SART1: variants seen among roughly 807,000 people sequenced by gnomAD.
SART1 encodes the protein spliceosome associated factor 1, recruiter of U4/U6.U5 tri-snRNP, also known as U4/U6.U5 tri-snRNP-associated protein 1.
A neutral mutation model predicts 105.0 loss-of-function variants in SART1; 28 were observed. The ratio of observed to expected loss-of-function variants is 0.27; its 90% CI spans 0.20 to 0.37. The LOEUF is 0.37. Among genes scored for constraint, SART1 ranks in the 10% least tolerant of loss-of-function variants. The probability of loss-of-function intolerance (pLI) is 1.00; values close to 1 mark genes in which losing one functional copy is unlikely to be tolerated. For missense variants in SART1, 894 were observed against 1,106.5 expected, an observed-to-expected ratio of 0.81 and a Z score of 2.72; for synonymous variants, 472 against 462.9, an observed-to-expected ratio of 1.02 and a Z score of -0.25.
At chr11:65,962,341 GTCTT>G (rs1324266949) in intron 1 of SART1, among the ~76,000 whole-genome samples, 1 of 152,218 alleles carries the variant, frequency 6.6e-6, no homozygotes, top group African/African-American at 2.4e-5. Flanking sequence ...AAAGAAAAAA[GTCTT>G]TCTACGGTTG....
intron 8 of SART1, 40 bp from the exon 9 acceptor site, chr11:65,966,310 G>A: frequency 1.2e-6 from 2 of 1,613,908 alleles, no homozygotes; most frequent in Non-Finnish European, 1.7e-6. Context: ...GGCTTTTCAG[G>A]AGCCAGCCTG....
rs570312050 is a variant in SART1 at position 65,965,559 on chromosome 11, C to T, written c.660+112C>T. 13 of 1,333,724 alleles carry T rather than the reference C, an allele frequency of 9.7e-6. No homozygotes were observed. The Admixed American group carries it at 1.5e-4, about 15-fold the overall frequency. 82.6% of individuals were successfully genotyped at this position (1,333,724 alleles called of 1,614,324 possible). A position where few individuals can be genotyped will look rare whatever the true frequency, so the allele number is the denominator to read the frequency against. On this transcript the variant is annotated intron_variant, in intron 5 of 19. Coordinates refer to ENST00000312397, the MANE Select transcript of SART1 (RefSeq NM_005146.5). ...GACGGGGCTTGGAGAAGGGAAGGGC[C>T]GTGGTCGGTAGCATCTACTTTGGAT...
At chr11:65,965,047 C>T (rs1855219732) in intron 3 of SART1, 45 bp from the exon 4 acceptor site, 3 of 1,534,314 alleles carry the variant, frequency 2.0e-6, no homozygotes, top group Non-Finnish European at 1.7e-6. Flanking sequence ...CCTCTCCCCA[C>T]CAGCCATGGG....
Position 65,976,487 on chromosome 11 carries a change from C to A in SART1, c.1665C>A (p.Ala555=). The part of the protein sequence containing the change: ...PERKGAIVFN[A]TSEFCRTLGE... The stretch of plus-strand genomic sequence containing the variant: ...GGAAGGGGGCCATCGTGTTCAACGC[C>A]ACGTCCGAGTTCTGCCGCACCTTGG... Residue 555 remains alanine (A), a synonymous_variant, in exon 13 of 20, where the codon GCC becomes GCA. Coordinates refer to ENST00000312397, the MANE Select transcript of SART1 (RefSeq NM_005146.5). This position sits in a 1 kb window ranked among gnomAD's most constrained non-coding sequence, Gnocchi z 5.1. 6.3e-7 allele frequency: 1 copy of A among 1,579,856 alleles called. No individual in the cohort carries two copies. The highest frequency in any genetic ancestry group is 1.2e-5 in the South Asian group (1 of 85,592).
At chr11:65,971,056 A>G (rs180877613) in intron 12 of SART1, among the ~76,000 whole-genome samples, 10 of 9,664 alleles carry the variant, frequency 1.0e-3, no homozygotes, top group African/African-American at 2.0e-3. Flanking sequence ...GGTGGGATTC[A>G]GGAGCTGAGG....
rs1855229678 is a variant in SART1 at position 65,965,421 on chromosome 11, AAGG to A, written c.637_639del (p.Glu213del). The A allele has an allele frequency of 2.6e-6, 4 of 1,562,330 alleles. No homozygotes were observed. Among genetic ancestry groups the A allele is most frequent in the Non-Finnish European group, 2.6e-6 (3 of 1,153,552 alleles). On this transcript the variant is annotated inframe_deletion, in exon 5 of 20. Coordinates refer to ENST00000312397, the MANE Select transcript of SART1 (RefSeq NM_005146.5). ...GATCGAGAGGAGCCGGCAGCTGCAG[AAGG>A]AGAAGGACCTGGCAGAGAAGAGGGT...
Position 65,978,226 on chromosome 11 carries a change from C to A in SART1, c.2172+327C>A. The A allele has an allele frequency of 2.0e-6, 1 of 499,116 alleles. No individual in the cohort carries two copies. The highest frequency in any genetic ancestry group is 3.6e-6 in the Non-Finnish European group (1 of 275,634). The allele number at this position is 499,116 out of a possible 1,614,324, so 30.9% of individuals were successfully genotyped here. ...GCAGGGCCATTCCAGCGTCCAGGCCCTTCCAGCACTCTCGTAGGCCGCCCG... is the reference window on the plus strand; with the variant it reads ...GCAGGGCCATTCCAGCGTCCAGGCCATTCCAGCACTCTCGTAGGCCGCCCG... On this transcript the variant is annotated intron_variant, in intron 17 of 19. Coordinates refer to ENST00000312397, the MANE Select transcript of SART1 (RefSeq NM_005146.5). The surrounding 1 kb of genome is among the most constrained non-coding windows in gnomAD (Gnocchi z 6.8).
At position 65,977,064 on chromosome 11, in the gene SART1, G is replaced by A; in HGVS notation, c.1908G>A (p.Arg636=). The A allele has an allele frequency of 6.2e-7, 1 of 1,614,030 alleles. No homozygotes were observed. The highest frequency in any genetic ancestry group is 8.5e-7 in the Non-Finnish European group (1 of 1,179,960). ...TGGACGAGGAACCGATCGTGAATAG[G>A]GGGCTGGCAGCTGCCCTGCTCCTGT... ...TILDEEPIVN[R]GLAAALLLCQ... The change falls in exon 15 of 20, where the codon AGG becomes AGA. Residue 636 remains arginine (R), a synonymous_variant. Coordinates refer to ENST00000312397, the MANE Select transcript of SART1 (RefSeq NM_005146.5).
intron 1 of SART1, 89 bp downstream of exon 1, chr11:65,962,182 C>T: frequency 2.0e-6 from 2 of 1,018,764 alleles, no homozygotes; most frequent in South Asian, 1.8e-5. Flanking sequence ...CAGCGAAGCT[C>T]TTCAGGCCAG....
At position 65,967,925 on chromosome 11, in the gene SART1, A is replaced by G. The variant is rs1590636676; in HGVS notation, c.1572+104A>G. On this transcript the variant is annotated intron_variant, in intron 12 of 19. Coordinates refer to ENST00000312397, the MANE Select transcript of SART1 (RefSeq NM_005146.5). ...CATTCCTGTCTGAAGCCTCTTTTCC[A>G]TTTGTTTTTTGTTTTCTGGGTTTGT... The G allele has an allele frequency of 5.8e-6, 5 of 867,126 alleles. No individual in the cohort carries two copies. The South Asian group carries it at 1.8e-4, about 31-fold the overall frequency. 53.7% of individuals were successfully genotyped at this position (867,126 alleles called of 1,614,324 possible).
At chr11:65,966,703 G>A (rs1855267097) in intron 9 of SART1, 147 bp downstream of exon 9, 5 of 922,310 alleles carry the variant, frequency 5.4e-6, no homozygotes, top group Middle Eastern at 3.4e-4. Flanking sequence ...TGGCAACCGG[G>A]GGAGGCACCA....
intron 1 of SART1, among the ~76,000 whole-genome samples, chr11:65,962,309 A>G (rs1464350730): frequency 1.3e-5 from 2 of 152,250 alleles, no homozygotes; most frequent in Non-Finnish European, 2.9e-5. Flanking sequence ...AGCCTGGGCA[A>G]CAAAGCGAGA....
intron 1 of SART1, 41 bp downstream of exon 1, chr11:65,962,134 G>GCCC: frequency 2.6e-6 from 1 of 378,092 alleles, no homozygotes. Context: ...GTCGGGCGGG[G>GCCC]GTCCCGGAAC....
chr11:65,964,376 C>G, intron 2 of SART1, 139 bp from the exon 3 acceptor site: 1 of 1,052,530 alleles, frequency 9.5e-7, no homozygotes, highest in Non-Finnish European at 1.4e-6. Context: ...GGGCCCTTCC[C>G]AGTGTCCTAG....
chr11:65,976,376 C>T lies in SART1; in HGVS notation c.1573-19C>T. The T allele has an allele frequency of 6.6e-7, 1 of 1,514,732 alleles. No individual in the cohort carries two copies. Among genetic ancestry groups the T allele is most frequent in the South Asian group, 1.4e-5 (1 of 73,890 alleles). The allele number at this position is 1,514,732 out of a possible 1,614,324, so 93.8% of individuals were successfully genotyped here. A position where few individuals can be genotyped will look rare whatever the true frequency, so the allele number is the denominator to read the frequency against. ...CCCCAGAAACTGCTGGGTTTGCCCACAGCCGCTCCCTCCCCCAGGTGGTGG... is the reference window on the plus strand; with the variant it reads ...CCCCAGAAACTGCTGGGTTTGCCCATAGCCGCTCCCTCCCCCAGGTGGTGG... On this transcript the variant is annotated intron_variant, in intron 12 of 19. Transcript: ENST00000312397. The surrounding 1 kb of genome is among the most constrained non-coding windows in gnomAD (Gnocchi z 5.1).
chr11:65,964,582 G>A lies in SART1; in HGVS notation c.427+12G>A. 6.2e-7 allele frequency: 1 copy of A among 1,601,976 alleles called. No homozygotes were observed. ...TGCCATCAAGAAGGGTGAGTATGGG[G>A]CTGAGGATAGGGTTTGGGGGAAAGA... On this transcript the variant is annotated intron_variant, in intron 3 of 19. Coordinates refer to ENST00000312397, the MANE Select transcript of SART1 (RefSeq NM_005146.5).
chr11:65,964,175 G>C, intron 2 of SART1, 44 bp downstream of exon 2: 1 of 1,556,160 alleles, frequency 6.4e-7, no homozygotes, highest in Non-Finnish European at 8.8e-7. Context: ...TTCTAAGAGA[G>C]GTGGCTCTGG....
At position 65,976,965 on chromosome 11, in the gene SART1, G is replaced by A. The variant is rs1358747981; in HGVS notation, c.1858-49G>A. The A allele has an allele frequency of 2.0e-6, 3 of 1,479,950 alleles. No homozygotes were observed. The highest frequency in any genetic ancestry group is 3.4e-5 in the Admixed American group (2 of 59,640). 91.7% of individuals were successfully genotyped at this position (1,479,950 alleles called of 1,614,324 possible). On this transcript the variant is annotated intron_variant, in intron 14 of 19. Transcript: ENST00000312397. The surrounding 1 kb of genome is among the most constrained non-coding windows in gnomAD (Gnocchi z 5.1). ...CAGGTGGTGACCAGTGGGTGGGGCT[G>A]AGAAGAGCCGGTATGGCCTGCTAAC...
At position 65,976,794 on chromosome 11, in the gene SART1, C is replaced by T. The variant is rs2276016; in HGVS notation, c.1857+28C>T. On this transcript the variant is annotated intron_variant, in intron 14 of 19. Coordinates refer to ENST00000312397, the MANE Select transcript of SART1 (RefSeq NM_005146.5). This position sits in a 1 kb window ranked among gnomAD's most constrained non-coding sequence, Gnocchi z 5.1. ...GAGGGCCGCGCCGCTGGGGGGTGGG[C>T]GTTTGGGGGTGCTCAAGCTGGAGAT... 0.18 allele frequency: 278,134 copies of T among 1,550,006 alleles called. 27,782 individuals carry two copies. Among genetic ancestry groups the T allele is most frequent in the Admixed American group, 0.35 (18,729 of 53,480 alleles).
Sources: allele counts gnomAD v4.1 joint callset (sites outside exome capture counted in the v4.1 genomes callset), GRCh38; gene constraint gnomAD v4.1.1; non-coding constraint Gnocchi (gnomAD v3.1); transcripts MANE v1.5; gene names NCBI Gene and HGNC (gene_info 2026-07-23, HGNC 2026-07-21).